CHAT: variants seen among roughly 807,000 people sequenced by gnomAD.
CHAT encodes acetyl CoA:choline O-acetyltransferase.
CHAT carries 61 observed loss-of-function variants against 76.9 expected under a neutral mutation model. That is an observed-to-expected ratio of 0.79 (90% CI 0.65 to 0.98). CHAT has a LOEUF of 0.98. Ranked by LOEUF, CHAT falls within the 50% of genes least tolerant of loss-of-function variation. The pLI is 0.00. For missense variants in CHAT, 946 were observed against 986.9 expected (o/e 0.96, Z 0.56); for synonymous variants, 407 against 397.4 (o/e 1.02, Z -0.29).
chr10:49,639,694 T>C (rs991467617), intron 7 of CHAT, among the ~76,000 whole-genome samples: 23 of 152,170 alleles, frequency 1.5e-4, no homozygotes, highest in Non-Finnish European at 2.1e-4. Flanking sequence ...GTTTTGGTGT[T>C]TGCTTCTTTG....
rs149968629 is a variant in CHAT at position 49,653,307 on chromosome 10, G to A, written c.1634+1301G>A. Among the ~76,000 whole-genome samples, 23 of 152,206 alleles carry A rather than the reference G, an allele frequency of 1.5e-4. No individual in the cohort carries two copies. The East Asian group carries it at 2.9e-3, about 19-fold the overall frequency. On this transcript the variant is annotated intron_variant, in intron 11 of 14. Transcript: ENST00000337653. ...GAGGTCAATTAGCCTTACAGGAGGCGAAGAAACCAAAATGTGAAATAGATC... is the reference window on the plus strand; with the variant it reads ...GAGGTCAATTAGCCTTACAGGAGGCAAAGAAACCAAAATGTGAAATAGATC...
At chr10:49,610,293 G>A (rs1838254678), upstream of CHAT, 1 of 161,074 alleles carries the variant, frequency 6.2e-6, no homozygotes, top group Admixed American at 6.4e-5. Flanking sequence ...AAAAAAAGAG[G>A]AGGCGGCGGA....
In CHAT at chr10:49,625,527, C is replaced by T. The variant is rs1237119564; in HGVS notation, c.807C>T (p.Cys269=). 1.9e-6 allele frequency: 3 copies of T among 1,613,454 alleles called. No individual in the cohort carries two copies. The African/African-American group carries it at 4.0e-5, about 22-fold the overall frequency. The part of the protein sequence containing the change: ...AKGQLSGQPL[C]MKQYYGLFSS... ...GCCAGCTGTCAGGGCAGCCCCTTTG[C>T]ATGAAGCAATACTATGGGCTCTTCT... is the stretch of plus-strand genomic sequence containing the variant. The change falls in exon 6 of 15, where the codon TGC becomes TGT. Residue 269 remains cysteine (C), a synonymous_variant. Coordinates refer to ENST00000337653, the MANE Select transcript of CHAT (RefSeq NM_020549.5).
At chr10:49,656,994 T>A (rs1381265031) in intron 13 of CHAT, among the ~76,000 whole-genome samples, 1 of 152,026 alleles carries the variant, frequency 6.6e-6, no homozygotes, top group Non-Finnish European at 1.5e-5. Context: ...TTGAAAGCCG[T>A]AAATACACCA....
intron 7 of CHAT, among the ~76,000 whole-genome samples, chr10:49,638,720 T>A (rs1839375815): frequency 6.6e-6 from 1 of 152,194 alleles, no homozygotes; most frequent in Non-Finnish European, 1.5e-5. Flanking sequence ...TTTATTCTCC[T>A]TTGTTTATAA....
rs1590577208 is a variant in CHAT at position 49,627,805 on chromosome 10, A to G, written c.1111+20A>G. 2 of 1,610,780 alleles carry G rather than the reference A, an allele frequency of 1.2e-6. No individual in the cohort carries two copies. Among genetic ancestry groups the G allele is most frequent in the East Asian group, 4.5e-5 (2 of 44,834 alleles). On this transcript the variant is annotated intron_variant, in intron 7 of 14. Transcript: ENST00000337653. ...TGAAAGGTCAGCCGCAGTGCCCAGC[A>G]CATCTCCATGCCCATCTCATGCTCG...
At chr10:49,628,052 G>C (rs1042571029) in intron 7 of CHAT, among the ~76,000 whole-genome samples, 3 of 152,148 alleles carry the variant, frequency 2.0e-5, no homozygotes, top group Non-Finnish European at 4.4e-5. Context: ...GGCGGGGCGG[G>C]GGAGTTAGCT....
intron 2 of CHAT, among the ~76,000 whole-genome samples, chr10:49,617,277 C>A (rs1310738733): frequency 1.3e-5 from 2 of 152,230 alleles, no homozygotes; most frequent in East Asian, 1.9e-4. Flanking sequence ...CTGAATTCTG[C>A]AGCTGACAAA....
chr10:49,665,491 C>T lies in CHAT; in HGVS notation c.*445C>T, dbSNP rs182072763. On this transcript the variant is annotated 3_prime_UTR_variant, in exon 15 of 15. Coordinates refer to ENST00000337653, the MANE Select transcript of CHAT (RefSeq NM_020549.5). ...GGAAGAGGCTAACTCCAGGTCATTA[C>T]CTCTTTTCTTTTTTGGGGGAGAGGA... Among the ~76,000 whole-genome samples the T allele has an allele frequency of 1.4e-3, 214 of 152,218 alleles. No homozygotes were observed. Among genetic ancestry groups the T allele is most frequent in the African/African-American group, 5.0e-3 (207 of 41,538 alleles).
upstream of CHAT, chr10:49,611,521 G>T: frequency 6.2e-7 from 1 of 1,601,946 alleles, no homozygotes; most frequent in Non-Finnish European, 8.5e-7. Context: ...GTTGCTGCTG[G>T]CAGTGGCCAA....
At chr10:49,611,672 C>A (rs1296151247), upstream of CHAT, 2 of 1,611,404 alleles carry the variant, frequency 1.2e-6, no homozygotes, top group Admixed American at 3.3e-5. Flanking sequence ...CTCGAACCCA[C>A]CATTGCCACG....
rs770113962 is a variant in CHAT, at chr10:49,627,604, A to C, written c.934-4A>C. On this transcript the variant is annotated splice_polypyrimidine_tract_variant and splice_region_variant and intron_variant, in intron 6 of 14. Transcript: ENST00000337653. ...GTGACATGTTTGACCTGTTTACCCC[A>C]CAGTTCTTTGTCTTGGATGTTGTCA... 4 of 1,613,866 alleles carry C rather than the reference A, an allele frequency of 2.5e-6. No homozygotes were observed. The highest frequency in any genetic ancestry group is 3.4e-6 in the Non-Finnish European group (4 of 1,179,918).
At chr10:49,662,197 G>C (rs1840214720) in intron 13 of CHAT, among the ~76,000 whole-genome samples, 1 of 152,152 alleles carries the variant, frequency 6.6e-6, no homozygotes, top group Non-Finnish European at 1.5e-5. Flanking sequence ...GGACAGCCTG[G>C]GACGCCCTTC....
upstream of CHAT, chr10:49,611,714 G>A: frequency 6.2e-7 from 1 of 1,607,710 alleles, no homozygotes; most frequent in Non-Finnish European, 8.5e-7. Flanking sequence ...GCTTCCGAGT[G>A]GGAGATGGGC....
rs747509937 is a variant in CHAT, at chr10:49,620,485, TC to T, written c.580-6del. On this transcript the variant is annotated splice_polypyrimidine_tract_variant and intron_variant, in intron 3 of 14. Transcript: ENST00000337653. ...GGGGATGTGACGGCCTTCCCTGCCC[TC>T]CCCGGCAGGTGTCTGAGTACTGGCT... The T allele has an allele frequency of 1.9e-6, 3 of 1,595,706 alleles. No homozygotes were observed. Among genetic ancestry groups the T allele is most frequent in the South Asian group, 1.1e-5 (1 of 90,730 alleles).
In CHAT at chr10:49,666,096, C is replaced by A. The variant is rs551110503; in HGVS notation, c.*1050C>A. Among the ~76,000 whole-genome samples the A allele has an allele frequency of 2.0e-5, 3 of 152,202 alleles. No individual in the cohort carries two copies. On this transcript the variant is annotated 3_prime_UTR_variant, in exon 15 of 15. Transcript: ENST00000337653. ...GGCAGCTGGGCTCCTTTATTTGGAG[C>A]AGGCTATCCAGGGACTCTGACAAAA...
chr10:49,622,198 G>A lies in CHAT; in HGVS notation c.752+48G>A, dbSNP rs372938785. On this transcript the variant is annotated intron_variant, in intron 5 of 14. Transcript: ENST00000337653. ...CTGTTCCAGCACAGTCTGCCTATGC[G>A]TCTATCTCCCTTGCAGGGACCTTGT... The A allele has an allele frequency of 2.7e-5, 43 of 1,580,608 alleles. No individual in the cohort carries two copies. In the African/African-American group the frequency reaches 2.8e-4, roughly 10 times the overall value.
At chr10:49,626,062 T>C (rs1026391700) in intron 6 of CHAT, among the ~76,000 whole-genome samples, 1 of 152,180 alleles carries the variant, frequency 6.6e-6, no homozygotes, top group African/African-American at 2.4e-5. Flanking sequence ...TAACATGCAT[T>C]CATCCCACTT....
intron 7 of CHAT, among the ~76,000 whole-genome samples, chr10:49,628,480 A>G (rs556905826): frequency 1.6e-4 from 24 of 152,306 alleles, no homozygotes; most frequent in African/African-American, 5.5e-4. Context: ...CAATCTATTC[A>G]GACTCTCCAC....
Sources: allele counts gnomAD v4.1 joint callset (sites outside exome capture counted in the v4.1 genomes callset), GRCh38; gene constraint gnomAD v4.1.1; transcripts MANE v1.5; gene names NCBI Gene and HGNC (gene_info 2026-07-23, HGNC 2026-07-21).